NOS1AP: variants seen among roughly 807,000 people sequenced by gnomAD.
NOS1AP encodes carboxyl-terminal PDZ ligand of neuronal nitric oxide synthase protein.
A neutral mutation model predicts 56.2 loss-of-function variants in NOS1AP; 21 were observed. The observed-to-expected ratio is 0.37, with a 90% CI of 0.26 to 0.54. The LOEUF is 0.54. Ranked by LOEUF, NOS1AP falls within the 20% of genes least tolerant of loss-of-function variation. The pLI is 0.84. For synonymous variants in NOS1AP, 270 were observed against 274.6 expected, an observed-to-expected ratio of 0.98 and a Z score of 0.17; for missense variants, 522 against 657.8, an observed-to-expected ratio of 0.79 and a Z score of 2.26.
intron 2 of NOS1AP, among the ~76,000 whole-genome samples, chr1:162,251,766 T>C (rs1270199249): frequency 1.3e-5 from 2 of 151,360 alleles, no homozygotes; most frequent in Non-Finnish European, 2.9e-5. Flanking sequence ...TGGCTCACTG[T>C]AGCCTTGAAC....
intron 2 of NOS1AP, among the ~76,000 whole-genome samples, chr1:162,177,912 G>A (rs925765605): frequency 6.6e-6 from 1 of 152,142 alleles, no homozygotes; most frequent in African/African-American, 2.4e-5. Flanking sequence ...CTGTGGGTTT[G>A]GACGAGTGTT....
intron 4 of NOS1AP, among the ~76,000 whole-genome samples, chr1:162,304,037 C>G (rs1301294318): frequency 6.6e-6 from 1 of 151,396 alleles, no homozygotes; most frequent in Non-Finnish European, 1.5e-5. Flanking sequence ...AAATCTGTAC[C>G]TAACTCAAGG....
At chr1:162,235,102 C>CAG (rs1165372632) in intron 2 of NOS1AP, among the ~76,000 whole-genome samples, 1 of 151,830 alleles carries the variant, frequency 6.6e-6, no homozygotes, top group African/African-American at 2.4e-5. Context: ...AAATGTAGTA[C>CAG]AGAGAGAGAG....
intron 2 of NOS1AP, among the ~76,000 whole-genome samples, chr1:162,199,333 C>T (rs939089369): frequency 3.3e-5 from 5 of 152,152 alleles, no homozygotes; most frequent in African/African-American, 9.7e-5. Flanking sequence ...ATGCCGGTTA[C>T]GTCCTCACTG....
chr1:162,316,007 G>A lies in NOS1AP; in HGVS notation c.344+15301G>A, dbSNP rs539068738. On this transcript the variant is annotated intron_variant, in intron 4 of 9. Coordinates refer to ENST00000361897, the MANE Select transcript of NOS1AP (RefSeq NM_014697.3). ...TCTCACACACAATAGGGCTCAATACGTATTTATTCCATGTAATTGACTTAT... is the reference window on the plus strand; with the variant it reads ...TCTCACACACAATAGGGCTCAATACATATTTATTCCATGTAATTGACTTAT... 2.9e-4 allele frequency among the ~76,000 whole-genome samples: 44 copies of A among 152,178 alleles called. 1 individual carries two copies. Among genetic ancestry groups the A allele is most frequent in the South Asian group, 1.5e-3 (7 of 4,824 alleles).
At chr1:162,293,052 C>T (rs1655328638) in intron 3 of NOS1AP, among the ~76,000 whole-genome samples, 1 of 152,200 alleles carries the variant, frequency 6.6e-6, no homozygotes, top group Non-Finnish European at 1.5e-5. Flanking sequence ...ACTTTAAAAA[C>T]AGGCCTATTA....
chr1:162,359,721 G>GGC (rs1557892721), intron 8 of NOS1AP, among the ~76,000 whole-genome samples: 1 of 102,250 alleles, frequency 9.8e-6, no homozygotes, highest in African/African-American at 3.4e-5. Context: ...TCTCTACGCG[G>GGC]GGGGGGGCTG....
chr1:162,257,039 G>A (rs930721589), intron 2 of NOS1AP, among the ~76,000 whole-genome samples: 4 of 152,182 alleles, frequency 2.6e-5, no homozygotes, highest in Non-Finnish European at 1.5e-5. Flanking sequence ...TGGTCAGAGG[G>A]CTAGGGTATT....
intron 8 of NOS1AP, chr1:162,365,178 G>A: frequency 7.0e-7 from 1 of 1,431,934 alleles, no homozygotes; most frequent in South Asian, 1.5e-5. Context: ...ATGCATCATG[G>A]CCCTCCCTTA....
chr1:162,273,160 CTTTTTTT>C (rs11429407), intron 2 of NOS1AP, among the ~76,000 whole-genome samples: 2 of 106,210 alleles, frequency 1.9e-5, no homozygotes, highest in Admixed American at 1.1e-4. Flanking sequence ...AGCCCTTGTT[CTTTTTTT>C]TTTTTTTTTT....
At chr1:162,364,317 A>G in intron 8 of NOS1AP, 1 of 985,472 alleles carries the variant, frequency 1.0e-6, no homozygotes, top group Middle Eastern at 5.2e-4. Flanking sequence ...ACATTGGTCC[A>G]GGCCATAAAA....
intron 1 of NOS1AP, among the ~76,000 whole-genome samples, chr1:162,122,883 A>G (rs903129090): frequency 6.6e-6 from 1 of 152,068 alleles, no homozygotes; most frequent in Non-Finnish European, 1.5e-5. Context: ...TTTTTATTCA[A>G]AATCTTGGTT....
At chr1:162,091,186 T>C (rs886083261) in intron 1 of NOS1AP, among the ~76,000 whole-genome samples, 3 of 152,170 alleles carry the variant, frequency 2.0e-5, no homozygotes, top group East Asian at 3.8e-4. Context: ...TCCCAGCAGT[T>C]TCTCTTGGTG....
At chr1:162,351,233 TGTTTAA>T (rs1252937397) in intron 6 of NOS1AP, among the ~76,000 whole-genome samples, 3 of 152,236 alleles carry the variant, frequency 2.0e-5, no homozygotes, top group African/African-American at 4.8e-5. Context: ...TACTAAGTGC[TGTTTAA>T]GTTTAAGCTG....
intron 2 of NOS1AP, among the ~76,000 whole-genome samples, chr1:162,254,638 C>T (rs988641272): frequency 6.6e-6 from 1 of 152,120 alleles, no homozygotes; most frequent in African/African-American, 2.4e-5. Context: ...CAAGAGGATG[C>T]GACTGGTGAA....
chr1:162,222,750 T>A (rs1291542105), intron 2 of NOS1AP, among the ~76,000 whole-genome samples: 1 of 152,184 alleles, frequency 6.6e-6, no homozygotes, highest in South Asian at 2.1e-4. Context: ...ATGTTGGCCA[T>A]GATGAGAGCA....
chr1:162,257,810 G>A (rs1429271785), intron 2 of NOS1AP, among the ~76,000 whole-genome samples: 1 of 152,034 alleles, frequency 6.6e-6, no homozygotes, highest in Non-Finnish European at 1.5e-5. Flanking sequence ...GAGTACTATG[G>A]GCCACAGTGA....
chr1:162,199,244 T>C (rs1203702046), intron 2 of NOS1AP, among the ~76,000 whole-genome samples: 1 of 152,180 alleles, frequency 6.6e-6, no homozygotes, highest in East Asian at 1.9e-4. Context: ...TACTCTTTGA[T>C]GGAATCTCGC....
chr1:162,178,743 T>C (rs781003502), intron 2 of NOS1AP, among the ~76,000 whole-genome samples: 1 of 152,244 alleles, frequency 6.6e-6, no homozygotes, highest in Non-Finnish European at 1.5e-5. Context: ...CGTCAGTTTA[T>C]GAACAGTGGA....
Sources: allele counts gnomAD v4.1 joint callset (sites outside exome capture counted in the v4.1 genomes callset), GRCh38; gene constraint gnomAD v4.1.1; transcripts MANE v1.5; gene names NCBI Gene and HGNC (gene_info 2026-07-23, HGNC 2026-07-21).